AFAP1: variants seen among roughly 807,000 people sequenced by gnomAD.
AFAP1 encodes the protein actin filament-associated protein 1.
Under a neutral mutation model 93.9 loss-of-function variants are expected in AFAP1, and 75 were observed. That is an observed-to-expected ratio of 0.80 (90% CI 0.66 to 0.97). The LOEUF (loss-of-function observed/expected upper bound fraction) is 0.97. AFAP1 is among the 50% of genes least tolerant of loss of function. AFAP1 has a pLI of 0.00. For synonymous variants in AFAP1, 517 were observed against 430.7 expected, an observed-to-expected ratio of 1.20 and a Z score of -2.48; for missense variants, 1,201 against 1,050.8, an observed-to-expected ratio of 1.14 and a Z score of -1.98.
Position 7,768,967 on chromosome 4 carries a change from G to A in AFAP1, c.2295C>T (p.Ile765=), listed in dbSNP as rs775589151. Residue 765 remains isoleucine, a synonymous_variant, in exon 17 of 18, where the codon ATC becomes ATT. Transcript: ENST00000420658. ...FRHRTLENSP[I]SSCDTSDTEG... ...CGGTGTCACTGGTGTCACAGCTGGA[G>A]ATGGGCGAGTTTTCCAGGGTCCGGT... 1.2e-6 allele frequency: 2 copies of A among 1,613,796 alleles called. No homozygotes were observed. Among genetic ancestry groups the A allele is most frequent in the South Asian group, 2.2e-5 (2 of 91,030 alleles).
At chr4:7,764,391 A>AT (rs1259425514) in intron 17 of AFAP1, among the ~76,000 whole-genome samples, 1 of 139,856 alleles carries the variant, frequency 7.2e-6, no homozygotes, top group African/African-American at 2.6e-5. Flanking sequence ...TTCAAAAAAT[A>AT]TAAAAAAAAA....
chr4:7,826,074 G>A (rs1010770647), intron 6 of AFAP1, among the ~76,000 whole-genome samples: 7 of 152,166 alleles, frequency 4.6e-5, no homozygotes, highest in Non-Finnish European at 7.3e-5. Flanking sequence ...GTGACCCACA[G>A]GCCCCCTTCT....
chr4:7,877,282 C>T (rs997810351), intron 1 of AFAP1, among the ~76,000 whole-genome samples: 63 of 152,226 alleles, frequency 4.1e-4, no homozygotes, highest in African/African-American at 1.3e-3. Flanking sequence ...TTTCTCACAA[C>T]GGGTCCTGTG....
At chr4:7,839,900 C>T (rs971433514) in intron 5 of AFAP1, among the ~76,000 whole-genome samples, 3 of 152,146 alleles carry the variant, frequency 2.0e-5, no homozygotes, top group African/African-American at 7.2e-5. Flanking sequence ...TCTGTTTCCT[C>T]GTTTGCAAAA....
rs376100742 is a variant in AFAP1, at chr4:7,778,877, C to G, written c.1783-1G>C. 28 of 1,597,858 alleles carry G rather than the reference C, an allele frequency of 1.8e-5. No homozygotes were observed. The highest frequency in any genetic ancestry group is 2.4e-5 in the Non-Finnish European group (28 of 1,166,324). ...CCACGGGGGGCTTTTTACCCTTGAG[C>G]TGTTGAAATAAACATATAAGAACAT... is the stretch of plus-strand genomic sequence containing the variant. On this transcript the variant is annotated splice_acceptor_variant, in intron 13 of 17. Transcript: ENST00000420658. LOFTEE classifies it high-confidence loss of function.
intron 8 of AFAP1, among the ~76,000 whole-genome samples, chr4:7,814,955 C>G (rs576558347): frequency 7.2e-5 from 11 of 152,352 alleles, no homozygotes; most frequent in African/African-American, 2.6e-4. Context: ...ATTTGCACAT[C>G]CATGCTCACG....
chr4:7,939,775 C>T lies in AFAP1; in HGVS notation c.-122G>A. 1 of 394,748 alleles carries T rather than the reference C, an allele frequency of 2.5e-6. No homozygotes were observed. Among genetic ancestry groups the T allele is most frequent in the Non-Finnish European group, 4.9e-6 (1 of 202,256 alleles). The allele number at this position is 394,748 out of a possible 1,614,324, so 24.5% of individuals were successfully genotyped here. ...CAATGGAGCCCCGGGGCGGGGCCGC[C>T]GCCGCCGCCTCAGCCCGTGTACCCC... is the stretch of plus-strand genomic sequence containing the variant. On this transcript the variant is annotated 5_prime_UTR_variant, in exon 1 of 18. Transcript: ENST00000420658. This position sits in a 1 kb window ranked among gnomAD's most constrained non-coding sequence, Gnocchi z 5.6.
intron 6 of AFAP1, among the ~76,000 whole-genome samples, chr4:7,821,736 T>C (rs529859158): frequency 1.4e-4 from 21 of 152,344 alleles, no homozygotes; most frequent in African/African-American, 4.6e-4. Context: ...AATTTTGCAA[T>C]TGGGCCTCCA....
At chr4:7,833,886 C>A (rs1711931505) in intron 6 of AFAP1, among the ~76,000 whole-genome samples, 1 of 152,074 alleles carries the variant, frequency 6.6e-6, no homozygotes, top group African/African-American at 2.4e-5. Flanking sequence ...CTGCGCCCGA[C>A]CTGGAGGTTT....
At chr4:7,841,399 C>T (rs1047544286) in intron 5 of AFAP1, among the ~76,000 whole-genome samples, 1 of 152,252 alleles carries the variant, frequency 6.6e-6, no homozygotes, top group Admixed American at 6.5e-5. Context: ...GCTCACCAGC[C>T]CTGCCAAGGA....
chr4:7,854,576 T>C (rs1577298833), intron 4 of AFAP1, among the ~76,000 whole-genome samples: 1 of 152,184 alleles, frequency 6.6e-6, no homozygotes. Flanking sequence ...ATGTGGCAGG[T>C]AACAGTATAA....
chr4:7,822,586 CTTTTTT>C (rs5855982), intron 6 of AFAP1, among the ~76,000 whole-genome samples: 106 of 132,554 alleles, frequency 8.0e-4, no homozygotes, highest in African/African-American at 2.4e-3. Context: ...TTTCTTTTTT[CTTTTTT>C]TTTTTTTTTT....
intron 12 of AFAP1, among the ~76,000 whole-genome samples, chr4:7,785,685 C>A (rs1338726221): frequency 2.6e-5 from 4 of 152,182 alleles, no homozygotes; most frequent in African/African-American, 9.7e-5. Flanking sequence ...ATCTGTAATC[C>A]CAACACTTTG....
intron 3 of AFAP1, among the ~76,000 whole-genome samples, 193 bp from the exon 4 acceptor site, chr4:7,855,767 T>C (rs1181368245): frequency 6.6e-6 from 1 of 152,206 alleles, no homozygotes; most frequent in Non-Finnish European, 1.5e-5. Context: ...GCGCACATTC[T>C]TGCCCCAGCC....
rs1210654925 is a variant in AFAP1 at position 7,763,603 on chromosome 4, C to A, written c.*162G>T. On this transcript the variant is annotated 3_prime_UTR_variant, in exon 18 of 18. Coordinates refer to ENST00000420658, the MANE Select transcript of AFAP1 (RefSeq NM_001134647.2). Reference sequence around the variant, plus strand: ...GCGCCATTTTACAGTAGAAAGAATACAAGTGGGCCTGGGGGACAGGCACTG... The same window carrying A: ...GCGCCATTTTACAGTAGAAAGAATAAAAGTGGGCCTGGGGGACAGGCACTG... 35 of 697,116 alleles carry A rather than the reference C, an allele frequency of 5.0e-5. No individual in the cohort carries two copies. The highest frequency in any genetic ancestry group is 1.4e-5 in the Non-Finnish European group (6 of 430,684). 43.2% of individuals were successfully genotyped at this position (697,116 alleles called of 1,614,324 possible). A position where few individuals can be genotyped will look rare whatever the true frequency, so the allele number is the denominator to read the frequency against.
rs1269366974 is a variant in AFAP1 at position 7,918,970 on chromosome 4, A to T, written c.-3+20686T>A. ...GTCACCAGGAAACAGGGCTGTTGGA[A>T]GAGACACTCGGCCCAGGTCACCAGG... On this transcript the variant is annotated intron_variant, in intron 1 of 17. Transcript: ENST00000420658. 5.4e-3 allele frequency among the ~76,000 whole-genome samples: 466 copies of T among 86,676 alleles called. 12 individuals carry two copies. The highest frequency in any genetic ancestry group is 9.4e-3 in the African/African-American group (160 of 17,052). The allele number at this position is 86,676 out of a possible 152,430, so 56.9% of individuals were successfully genotyped here.
At chr4:7,797,752 G>C (rs1421197981) in intron 10 of AFAP1, among the ~76,000 whole-genome samples, 2 of 152,182 alleles carry the variant, frequency 1.3e-5, no homozygotes, top group Non-Finnish European at 2.9e-5. Context: ...TCCTGACTGT[G>C]ATCATATTAC....
chr4:7,863,659 C>T (rs1384284608), intron 3 of AFAP1, among the ~76,000 whole-genome samples: 1 of 152,016 alleles, frequency 6.6e-6, no homozygotes, highest in East Asian at 1.9e-4. Flanking sequence ...GACACATTAG[C>T]CAGGTGGAAA....
At chr4:7,860,903 C>T (rs1475796311) in intron 3 of AFAP1, among the ~76,000 whole-genome samples, 12 of 152,232 alleles carry the variant, frequency 7.9e-5, no homozygotes, top group African/African-American at 2.4e-4. Context: ...TTCATGCCTT[C>T]CACTGCCGCT....
Sources: gnomAD v4.1 joint callset for allele counts (sites outside exome capture counted in the v4.1 genomes callset) on GRCh38, gnomAD v4.1.1 for gene constraint, Gnocchi (gnomAD v3.1) non-coding constraint, MANE v1.5 for transcripts, NCBI Gene and HGNC (gene_info 2026-07-23, HGNC 2026-07-21) for gene names.